LAMA5: variants seen among roughly 807,000 people sequenced by gnomAD.
LAMA5 encodes the protein laminin subunit alpha 5.
A neutral mutation model predicts 433.4 loss-of-function variants in LAMA5; 260 were observed. The observed-to-expected ratio is 0.60, with a 90% CI of 0.54 to 0.66. The LOEUF is 0.66. LAMA5 is among the 30% of genes least tolerant of loss of function. LAMA5 has a pLI of 0.00. For missense variants in LAMA5, 5,378 were observed against 5,258.5 expected (o/e 1.02, Z -0.70); for synonymous variants, 2,620 against 2,226.6 (o/e 1.18, Z -4.97).
At chr20:62,343,865 C>G (rs986756018) in intron 11 of LAMA5, among the ~76,000 whole-genome samples, 3 of 150,738 alleles carry the variant, frequency 2.0e-5, no homozygotes, top group African/African-American at 4.9e-5. Context: ...CAATATCGTG[C>G]CAGGCATGGT....
Position 62,339,969 on chromosome 20 carries a change from G to A in LAMA5, c.1478-1361C>T, listed in dbSNP as rs367605627. Among the ~76,000 whole-genome samples, 178 of 152,262 alleles carry A rather than the reference G, an allele frequency of 1.2e-3. 3 individuals are homozygous for A. In the South Asian group the frequency reaches 0.035, roughly 30 times the overall value. On this transcript the variant is annotated intron_variant, in intron 11 of 79. Coordinates refer to ENST00000252999, the MANE Select transcript of LAMA5 (RefSeq NM_005560.6). ...TTGAAAGAGCGTACCTTAAACCAAC[G>A]CCTCAGACAGGTGGTAAACCGAGAG...
rs149011264 is a variant in LAMA5, at chr20:62,351,765, G to A, written c.895C>T (p.Arg299Cys). ...TCCGCGTGGCCGTGGCAGACACAGC[G>A]GCCTCCGATGCTGATATCCTTGATG... ...YSIKDISIGGRCVCHGHADAC... is the reference protein window; with the variant it reads ...YSIKDISIGGCCVCHGHADAC... Residue 299 changes from arginine (R) to cysteine (C), a missense_variant, in exon 6 of 80, where the codon CGC becomes TGC. Arg to Cys is a radical substitution (Grantham distance 180, BLOSUM62 -3). Coordinates refer to ENST00000252999, the MANE Select transcript of LAMA5 (RefSeq NM_005560.6). 5.0e-5 allele frequency: 80 copies of A among 1,611,192 alleles called. No homozygotes were observed. The highest frequency in any genetic ancestry group is 3.9e-4 in the African/African-American group (29 of 75,032).
intron 11 of LAMA5, among the ~76,000 whole-genome samples, chr20:62,340,916 T>G (rs1601381895): frequency 6.6e-6 from 1 of 151,408 alleles, no homozygotes; most frequent in African/African-American, 2.4e-5. Flanking sequence ...GCGCCTATAA[T>G]CAGTCCCAGC....
chr20:62,333,733 TG>T (rs1980964171), intron 23 of LAMA5, 27 bp from the exon 24 acceptor site: 2 of 1,552,582 alleles, frequency 1.3e-6, no homozygotes, highest in Non-Finnish European at 1.7e-6. Context: ...GTGAGACTCC[TG>T]AGCCCAGCCC....
At position 62,311,939 on chromosome 20, in the gene LAMA5, A is replaced by C. The variant is rs755005256; in HGVS notation, c.9616T>G (p.Phe3206Val). Residue 3206 changes from phenylalanine (F) to valine (V), a missense_variant, in exon 70 of 80, where the codon TTC (phenylalanine) becomes GTC (valine). By Grantham distance (50) the Phe-to-Val change is conservative (BLOSUM62 -1). Transcript: ENST00000252999. ...GCTCACCCCGTGGCATTGCTGTAGA[A>C]GGCGACGTAATGGGGGGCACCATCG... ...FADGAPHYVA[F>V]YSNATGVWLY... The C allele has an allele frequency of 6.2e-7, 1 of 1,612,160 alleles. No homozygotes were observed. The highest frequency in any genetic ancestry group is 8.5e-7 in the Non-Finnish European group (1 of 1,179,626).
chr20:62,316,837 G>C, intron 56 of LAMA5, 45 bp downstream of exon 56: 5 of 1,543,980 alleles, frequency 3.2e-6, no homozygotes, highest in Non-Finnish European at 4.4e-6. Context: ...GGTGCAGGCA[G>C]TGGGGGCGCT....
At position 62,365,846 on chromosome 20, in the gene LAMA5, G is replaced by T. The variant is rs563944143; in HGVS notation, c.297+1103C>A. ...ACTGTGCTGGGCTTAAGGAGAGAACGGTGAGCCCAGAAGCCTGGGGAGGCT... is the reference window on the plus strand; with the variant it reads ...ACTGTGCTGGGCTTAAGGAGAGAACTGTGAGCCCAGAAGCCTGGGGAGGCT... On this transcript the variant is annotated intron_variant, in intron 1 of 79. Transcript: ENST00000252999. 1.2e-4 allele frequency among the ~76,000 whole-genome samples: 18 copies of T among 152,252 alleles called. No homozygotes were observed. The East Asian group carries it at 3.5e-3, about 29-fold the overall frequency.
chr20:62,317,283 T>TC, intron 55 of LAMA5, 62 bp downstream of exon 55: 1 of 1,465,124 alleles, frequency 6.8e-7, no homozygotes, highest in East Asian at 2.5e-5. Context: ...CAGCTGGCCC[T>TC]CCCAAGGCCC....
rs146643315 is a variant in LAMA5 at position 62,313,682 on chromosome 20, G to C, written c.8625C>G (p.Val2875=). 1.9e-6 allele frequency: 3 copies of C among 1,612,820 alleles called. No individual in the cohort carries two copies. Among genetic ancestry groups the C allele is most frequent in the Non-Finnish European group, 1.7e-6 (2 of 1,179,958 alleles). The change falls in exon 63 of 80, where the codon GTC becomes GTG. Residue 2875 remains valine (V), a synonymous_variant. Transcript: ENST00000252999. The part of the protein sequence containing the change: ...GLLNLRPDDF[V]FYVGGYPSTF... Reference sequence around the variant, plus strand: ...TACTGGGGTACCCCCCGACGTAGAAGACGAAGTCGTCTGGCCGCAGGTTGA... The same window carrying C: ...TACTGGGGTACCCCCCGACGTAGAACACGAAGTCGTCTGGCCGCAGGTTGA...
Position 62,310,392 on chromosome 20 carries a change from A to G in LAMA5, c.10600+27T>C, listed in dbSNP as rs944897. The G allele has an allele frequency of 1, 1,570,326 of 1,577,820 alleles. 781,660 individuals carry two copies. Among genetic ancestry groups the G allele is most frequent in the East Asian group, 1 (44,768 of 44,768 alleles). ...TGGAGCCCCCTGCCCTGCCCTGCTG[A>G]GGCCTGGGATGCCAGCACCCACAGA... On this transcript the variant is annotated intron_variant, in intron 76 of 79. Coordinates refer to ENST00000252999, the MANE Select transcript of LAMA5 (RefSeq NM_005560.6).
Position 62,333,443 on chromosome 20 carries a change from C to A in LAMA5, c.3060G>T (p.Ala1020=). ...CAGTCACCCGCAGCTGCAGGAGCGC[C>A]GCCTCGTAGTATGCGCTAGGCAGCA... ...VVLLPSAYYE[A]ALLQLRVTEA... is the part of the protein sequence containing the mutation. Residue 1020 remains alanine, a synonymous_variant, in exon 25 of 80, where the codon GCG becomes GCT. Transcript: ENST00000252999. 6.2e-7 allele frequency: 1 copy of A among 1,612,756 alleles called. No homozygotes were observed. The highest frequency in any genetic ancestry group is 8.5e-7 in the Non-Finnish European group (1 of 1,179,882).
Position 62,313,210 on chromosome 20 carries a change from A to G in LAMA5, c.8833T>C (p.Tyr2945His). The G allele has an allele frequency of 6.6e-7, 1 of 1,513,106 alleles. No homozygotes were observed. Among genetic ancestry groups the G allele is most frequent in the Non-Finnish European group, 8.8e-7 (1 of 1,132,730 alleles). The allele number at this position is 1,513,106 out of a possible 1,614,324, so 93.7% of individuals were successfully genotyped here. The change falls in exon 65 of 80, where the codon TAC becomes CAC. Residue 2945 changes from tyrosine (Y) to histidine (H), a missense_variant. Tyr to His is a moderately conservative substitution (Grantham distance 83). Transcript: ENST00000252999. ...TGDPWLTDGS[Y>H]LDGTGFARIS... ...CGGGCGAAGCCGGTGCCGTCCAGGT[A>G]GGAGCCGTCCGTGAGCCACGGGTCC...
intron 51 of LAMA5, among the ~76,000 whole-genome samples, chr20:62,319,324 C>T (rs1987398957): frequency 6.6e-6 from 1 of 152,170 alleles, no homozygotes; most frequent in Non-Finnish European, 1.5e-5. Flanking sequence ...CATGGCACCC[C>T]CTGCCGACCC....
Position 62,317,741 on chromosome 20 carries a change from A to G in LAMA5, c.7277T>C (p.Leu2426Pro), listed in dbSNP as rs538316834. 4.4e-5 allele frequency: 70 copies of G among 1,607,496 alleles called. No individual in the cohort carries two copies. The highest frequency in any genetic ancestry group is 5.5e-5 in the Non-Finnish European group (65 of 1,177,906). ...KQELSRDNATLQATLHAARDT... is the reference protein window; with the variant it reads ...KQELSRDNATPQATLHAARDT... Reference sequence around the variant, plus strand: ...CCTAGCCGCATGCAGAGTGGCCTGCAGGGTGGCATTGTCCCGGGACAGCTC... The same window carrying G: ...CCTAGCCGCATGCAGAGTGGCCTGCGGGGTGGCATTGTCCCGGGACAGCTC... The change falls in exon 54 of 80, where the codon CTG (leucine) becomes CCG (proline). Residue 2426 changes from leucine (L) to proline (P), a missense_variant. Coordinates refer to ENST00000252999, the MANE Select transcript of LAMA5 (RefSeq NM_005560.6).
intron 28 of LAMA5, among the ~76,000 whole-genome samples, chr20:62,331,631 C>A (rs73149151): frequency 2.6e-5 from 4 of 152,340 alleles, no homozygotes; most frequent in Non-Finnish European, 5.9e-5. Context: ...ACTCAGCAGG[C>A]ACAAGCCGCA....
At chr20:62,342,628 G>A (rs6143033) in intron 11 of LAMA5, among the ~76,000 whole-genome samples, 35,187 of 151,900 alleles carry the variant, frequency 0.23, 4,243 homozygotes, top group African/African-American at 0.28. Context: ...GCAGTGAGCC[G>A]AGATCGTGCC....
intron 1 of LAMA5, among the ~76,000 whole-genome samples, chr20:62,366,570 G>C (rs1986750776): frequency 6.6e-6 from 1 of 152,228 alleles, no homozygotes; most frequent in South Asian, 2.1e-4. Flanking sequence ...GTCCCGGGTA[G>C]GGCGGAGCTG....
chr20:62,337,023 G>C (rs939498798), intron 16 of LAMA5: 2 of 674,380 alleles, frequency 3.0e-6, no homozygotes, highest in African/African-American at 3.5e-5. Context: ...GCACCGCGTG[G>C]GGTACCCGTG....
At chr20:62,317,093 G>A in intron 55 of LAMA5, 70 bp from the exon 56 acceptor site, 1 of 1,460,448 alleles carries the variant, frequency 6.8e-7, no homozygotes, top group South Asian at 1.4e-5. Context: ...CCAGCCTCCT[G>A]CGCTCACAAC....
Sources: allele counts gnomAD v4.1 joint callset (sites outside exome capture counted in the v4.1 genomes callset), GRCh38; gene constraint gnomAD v4.1.1; transcripts MANE v1.5; gene names NCBI Gene and HGNC (gene_info 2026-07-23, HGNC 2026-07-21).